Variants in TSPEAR observed in about 807,000 individuals in gnomAD.
TSPEAR encodes thrombospondin-type laminin G domain and EAR repeat-containing protein.
TSPEAR carries 69 observed loss-of-function variants against 71.6 expected under a neutral mutation model. The observed-to-expected ratio is 0.96, with a 90% CI of 0.79 to 1.18. The LOEUF (loss-of-function observed/expected upper bound fraction) is 1.18, where lower values mean the gene tolerates loss of function less well. Among genes scored for constraint, TSPEAR ranks in the 50% most tolerant of loss-of-function variants. The probability of loss-of-function intolerance (pLI) is 0.00; values close to 1 mark genes in which losing one functional copy is unlikely to be tolerated. For missense variants in TSPEAR, 971 were observed against 894.9 expected, an observed-to-expected ratio of 1.09 and a Z score of -1.09; for synonymous variants, 402 against 387.2, an observed-to-expected ratio of 1.04 and a Z score of -0.45.
intron 9 of TSPEAR, among the ~76,000 whole-genome samples, chr21:44,513,072 A>G (rs781792113): frequency 8.5e-5 from 13 of 152,242 alleles, no homozygotes; most frequent in Non-Finnish European, 1.3e-4. Flanking sequence ...TACTTGAAAC[A>G]TACTTTGGCA....
chr21:44,574,029 C>T (rs1555923193), intron 1 of TSPEAR: 16 of 1,613,300 alleles, frequency 9.9e-6, no homozygotes, highest in Middle Eastern at 1.7e-4. Context: ...CTCGTGCTGC[C>T]AGCAGTCTAG....
At chr21:44,669,260 T>G (rs1243993302) in intron 1 of TSPEAR, among the ~76,000 whole-genome samples, 1 of 152,000 alleles carries the variant, frequency 6.6e-6, no homozygotes, top group Admixed American at 6.6e-5. Context: ...CCGCCTCTAC[T>G]AAAAATACAA....
intron 2 of TSPEAR, chr21:44,557,944 T>C: frequency 7.8e-7 from 1 of 1,285,966 alleles, no homozygotes; most frequent in Non-Finnish European, 1.1e-6. Flanking sequence ...TGGCTGGAGG[T>C]GCAGTGGCTA....
intron 1 of TSPEAR, among the ~76,000 whole-genome samples, chr21:44,646,124 CAAA>C (rs55672014): frequency 1.3e-3 from 41 of 31,204 alleles, no homozygotes; most frequent in South Asian, 5.1e-3. Flanking sequence ...GACTCCCTCT[CAAA>C]AAAAAAAAAA....
At position 44,623,360 on chromosome 21, in the gene TSPEAR, T is replaced by G. The variant is rs1329544556; in HGVS notation, c.83-55355A>C. 6.6e-6 allele frequency among the ~76,000 whole-genome samples: 1 copy of G among 152,226 alleles called. No homozygotes were observed. Among genetic ancestry groups the G allele is most frequent in the Non-Finnish European group, 1.5e-5 (1 of 68,038 alleles). On this transcript the variant is annotated intron_variant, in intron 1 of 11. Coordinates refer to ENST00000323084, the MANE Select transcript of TSPEAR (RefSeq NM_144991.3). This position sits in a 1 kb window ranked among gnomAD's most constrained non-coding sequence, Gnocchi z 4.5. ...ATTAGATCTTATATTATTTCCCAGA[T>G]AGTATAGTGTACTAAGACTGCTTTA...
chr21:44,611,481 G>C (rs1981666591), intron 1 of TSPEAR, among the ~76,000 whole-genome samples: 1 of 151,996 alleles, frequency 6.6e-6, no homozygotes. Context: ...ATGTGGAACT[G>C]TAAGTCCAAT....
intron 1 of TSPEAR, among the ~76,000 whole-genome samples, chr21:44,598,923 C>A (rs1169955611): frequency 6.6e-6 from 1 of 152,188 alleles, no homozygotes; most frequent in Non-Finnish European, 1.5e-5. Context: ...GAACAATGTT[C>A]TTCCTGGTCT....
Position 44,647,302 on chromosome 21 carries a change from A to T in TSPEAR, c.82+64131T>A, listed in dbSNP as rs782636477. The T allele has an allele frequency of 6.0e-5, 97 of 1,613,568 alleles. 1 individual carries two copies. Among genetic ancestry groups the T allele is most frequent in the South Asian group, 1.4e-4 (13 of 91,052 alleles). ...CGTGTCCCTCCTCTGCCGCCCCGCA[A>T]GCTCCCGCCTGGCCTGCTACAGCCT... is the stretch of plus-strand genomic sequence containing the variant. On this transcript the variant is annotated intron_variant, in intron 1 of 11. Coordinates refer to ENST00000323084, the MANE Select transcript of TSPEAR (RefSeq NM_144991.3).
chr21:44,558,342 C>T (rs782070531), intron 2 of TSPEAR: 4 of 1,613,342 alleles, frequency 2.5e-6, no homozygotes, highest in Admixed American at 3.3e-5. Flanking sequence ...GACGGGCACA[C>T]AGCAGATGGG....
At chr21:44,574,835 C>T (rs782744259) in intron 1 of TSPEAR, 3 of 1,614,162 alleles carry the variant, frequency 1.9e-6, no homozygotes, top group African/African-American at 2.7e-5. Context: ...GACCCTCCTC[C>T]TCCGTGTCCC....
At chr21:44,651,740 GA>G (rs1366378919) in intron 1 of TSPEAR, among the ~76,000 whole-genome samples, 2 of 152,184 alleles carry the variant, frequency 1.3e-5, no homozygotes, top group African/African-American at 4.8e-5. Context: ...CCACACGTGT[GA>G]AGTCCCTGCT....
chr21:44,677,005 T>G, intron 1 of TSPEAR: 1 of 894,302 alleles, frequency 1.1e-6, no homozygotes, highest in Non-Finnish European at 1.9e-6. Context: ...AGGAAGGACT[T>G]CTGGAGTAAT....
At chr21:44,511,397 C>T (rs1217928834) in intron 9 of TSPEAR, among the ~76,000 whole-genome samples, 1 of 152,118 alleles carries the variant, frequency 6.6e-6, no homozygotes, top group Admixed American at 6.5e-5. Context: ...TTTACATGCA[C>T]AGATGCACAT....
Position 44,525,748 on chromosome 21 carries a change from G to A in TSPEAR, c.1241C>T (p.Thr414Ile), listed in dbSNP as rs782009215. ...YKWSHRKLKF[T>I]PYQSIATHSA... ...GTGTGTGGCAATGCTCTGATATGGG[G>A]TAAACTTCAGCTTTCTGTGGCTCCA... The change falls in exon 8 of 12, where the codon ACC (threonine) becomes ATC (isoleucine). Residue 414 changes from threonine (T) to isoleucine (I), a missense_variant. Thr to Ile is a moderately conservative substitution (Grantham distance 89). Transcript: ENST00000323084. 2 of 1,614,056 alleles carry A rather than the reference G, an allele frequency of 1.2e-6. No homozygotes were observed. Among genetic ancestry groups the A allele is most frequent in the African/African-American group, 2.7e-5 (2 of 74,898 alleles).
chr21:44,651,713 T>A (rs1984803267), intron 1 of TSPEAR, among the ~76,000 whole-genome samples: 2 of 152,158 alleles, frequency 1.3e-5, no homozygotes, highest in Admixed American at 6.5e-5. Context: ...CCACACATAT[T>A]AAGTTCCCTT....
At chr21:44,524,580 CAGTT>C (rs782686575) in intron 8 of TSPEAR, among the ~76,000 whole-genome samples, 4 of 151,560 alleles carry the variant, frequency 2.6e-5, no homozygotes, top group Non-Finnish European at 2.9e-5. Context: ...GTCAGTCAAT[CAGTT>C]AGTCAGGTAG....
intron 2 of TSPEAR, among the ~76,000 whole-genome samples, chr21:44,567,538 T>C (rs190163269): frequency 4.3e-4 from 66 of 152,306 alleles, no homozygotes; most frequent in African/African-American, 1.5e-3. Context: ...ACATAAAAAC[T>C]CTGAGCACTA....
rs112231331 is a variant in TSPEAR at position 44,688,634 on chromosome 21, G to A, written c.82+22799C>T. ...AGTCAGGAGGCTGAGGCATGAACCC[G>A]GGAGGTGGAGCTTGCAGTGAGCCGA... On this transcript the variant is annotated intron_variant, in intron 1 of 11. Coordinates refer to ENST00000323084, the MANE Select transcript of TSPEAR (RefSeq NM_144991.3). Among the ~76,000 whole-genome samples the A allele has an allele frequency of 6.7e-3, 1,014 of 152,172 alleles. 9 individuals carry two copies. The highest frequency in any genetic ancestry group is 0.023 in the African/African-American group (963 of 41,514).
At chr21:44,707,411 G>T (rs1555952669) in intron 1 of TSPEAR, among the ~76,000 whole-genome samples, 1 of 152,212 alleles carries the variant, frequency 6.6e-6, no homozygotes, top group Non-Finnish European at 1.5e-5. Context: ...GCAGAGGAGG[G>T]GCGTTCAGAT....
Sources: gnomAD v4.1 joint callset for allele counts (sites outside exome capture counted in the v4.1 genomes callset) on GRCh38, gnomAD v4.1.1 for gene constraint, Gnocchi (gnomAD v3.1) non-coding constraint, MANE v1.5 for transcripts, NCBI Gene and HGNC (gene_info 2026-07-23, HGNC 2026-07-21) for gene names.